Variants in LIMD1 observed in about 807,000 individuals in gnomAD.
LIMD1 encodes the protein LIM domain-containing protein 1.
Under a neutral mutation model 58.4 loss-of-function variants are expected in LIMD1, and 23 were observed. The ratio of observed to expected loss-of-function variants is 0.39; its 90% CI spans 0.28 to 0.56. The LOEUF (loss-of-function observed/expected upper bound fraction) is 0.56. Among genes scored for constraint, LIMD1 ranks in the 20% least tolerant of loss-of-function variants. The probability of loss-of-function intolerance (pLI) is 0.57; values close to 1 mark genes in which losing one functional copy is unlikely to be tolerated. For synonymous variants in LIMD1, 334 were observed against 345.5 expected, an observed-to-expected ratio of 0.97 and a Z score of 0.37; for missense variants, 838 against 855.5, an observed-to-expected ratio of 0.98 and a Z score of 0.25.
chr3:45,660,940 G>A (rs916378291), intron 2 of LIMD1, among the ~76,000 whole-genome samples: 2 of 152,200 alleles, frequency 1.3e-5, no homozygotes, highest in African/African-American at 4.8e-5. Flanking sequence ...GGGTTCTGAT[G>A]ATGATCCCTG....
At chr3:45,624,348 G>A (rs1018572719) in intron 1 of LIMD1, among the ~76,000 whole-genome samples, 5 of 152,110 alleles carry the variant, frequency 3.3e-5, no homozygotes, top group African/African-American at 1.2e-4. Context: ...ATAAAGTCGA[G>A]ATGTGAGACG....
At chr3:45,676,777 G>A (rs995986108) in intron 7 of LIMD1, 145 bp from the exon 8 acceptor site, 3 of 780,866 alleles carry the variant, frequency 3.8e-6, no homozygotes, top group Non-Finnish European at 6.6e-6. Context: ...GCCTCCACGG[G>A]GCAGGAGCTG....
At chr3:45,666,003 G>C (rs1342777271) in intron 3 of LIMD1, among the ~76,000 whole-genome samples, 1 of 152,108 alleles carries the variant, frequency 6.6e-6, no homozygotes, top group East Asian at 1.9e-4. Flanking sequence ...CACTGGACTG[G>C]GACCTGGGCT....
At chr3:45,640,110 A>T (rs1701827080) in intron 2 of LIMD1, among the ~76,000 whole-genome samples, 1 of 152,262 alleles carries the variant, frequency 6.6e-6, no homozygotes, top group Admixed American at 6.5e-5. Context: ...TGTGACAAGC[A>T]CAGACACTTA....
At chr3:45,629,494 G>A (rs1242632490) in intron 1 of LIMD1, among the ~76,000 whole-genome samples, 1 of 151,986 alleles carries the variant, frequency 6.6e-6, no homozygotes, top group African/African-American at 2.4e-5. Flanking sequence ...CTGGGTAGAG[G>A]AGGGCATGGT....
chr3:45,613,296 T>C (rs770003637), intron 1 of LIMD1, among the ~76,000 whole-genome samples: 6 of 152,230 alleles, frequency 3.9e-5, no homozygotes, highest in Non-Finnish European at 7.3e-5. Context: ...CATCAGTTGA[T>C]GAAAGTGTTG....
chr3:45,605,686 G>A (rs1455397118), intron 1 of LIMD1, among the ~76,000 whole-genome samples: 1 of 152,242 alleles, frequency 6.6e-6, no homozygotes, highest in Admixed American at 6.5e-5. Flanking sequence ...CACATGGCAA[G>A]CCACTGGTAT....
intron 2 of LIMD1, among the ~76,000 whole-genome samples, chr3:45,662,305 G>A (rs2578665): frequency 0.27 from 40,795 of 151,820 alleles, 6,834 homozygotes; most frequent in Middle Eastern, 0.41. Flanking sequence ...GTGTGTGCGC[G>A]TGTAAAACCT....
In LIMD1 at chr3:45,673,448, C is replaced by T; in HGVS notation, c.1773-6C>T. 6.2e-7 allele frequency: 1 copy of T among 1,613,572 alleles called. No homozygotes were observed. Among genetic ancestry groups the T allele is most frequent in the Non-Finnish European group, 8.5e-7 (1 of 1,179,564 alleles). Reference sequence around the variant, plus strand: ...ACATTTATTGCTGCTTTGTTTCTCCCCACAGGGTGCTGGCCCCCAAGTGTG... The same window carrying T: ...ACATTTATTGCTGCTTTGTTTCTCCTCACAGGGTGCTGGCCCCCAAGTGTG... On this transcript the variant is annotated splice_polypyrimidine_tract_variant and splice_region_variant and intron_variant, in intron 5 of 7. Transcript: ENST00000273317.
At chr3:45,620,727 T>C (rs1701621263) in intron 1 of LIMD1, among the ~76,000 whole-genome samples, 1 of 152,154 alleles carries the variant, frequency 6.6e-6, no homozygotes, top group African/African-American at 2.4e-5. Flanking sequence ...AGACTCTGTC[T>C]CAAAAAACAA....
rs1226942974 is a variant in LIMD1, at chr3:45,595,400, T to C, written c.521T>C (p.Leu174Pro). The C allele has an allele frequency of 2.5e-6, 4 of 1,613,978 alleles. No homozygotes were observed. Among genetic ancestry groups the C allele is most frequent in the Non-Finnish European group, 3.4e-6 (4 of 1,180,030 alleles). The change falls in exon 1 of 8, where the codon CTC becomes CCC. Residue 174 changes from leucine (L) to proline (P), a missense_variant. Transcript: ENST00000273317. ...QPGPCEDPSC[L>P]THGDYYDNLS... ...GGCCCCTGTGAGGATCCTTCCTGCCTCACTCATGGAGACTATTATGACAAC... is the reference window on the plus strand; with the variant it reads ...GGCCCCTGTGAGGATCCTTCCTGCCCCACTCATGGAGACTATTATGACAAC...
At chr3:45,607,536 T>G (rs1174713933) in intron 1 of LIMD1, among the ~76,000 whole-genome samples, 1 of 152,050 alleles carries the variant, frequency 6.6e-6, no homozygotes, top group African/African-American at 2.4e-5. Flanking sequence ...CCCACAAACA[T>G]GTTTTGTAGC....
chr3:45,659,186 T>C (rs1372402742), intron 2 of LIMD1, among the ~76,000 whole-genome samples: 1 of 152,254 alleles, frequency 6.6e-6, no homozygotes, highest in East Asian at 1.9e-4. Context: ...TTCACTGTTA[T>C]ACTTCTACCA....
intron 1 of LIMD1, among the ~76,000 whole-genome samples, chr3:45,630,275 C>G (rs1280091068): frequency 2.0e-5 from 3 of 152,332 alleles, no homozygotes; most frequent in Admixed American, 2.0e-4. Context: ...CTCCTCAGCC[C>G]AGACCACTTA....
chr3:45,630,852 A>G (rs1479812435), intron 1 of LIMD1, among the ~76,000 whole-genome samples: 2 of 152,186 alleles, frequency 1.3e-5, no homozygotes, highest in South Asian at 2.1e-4. Flanking sequence ...AAGTGACAGG[A>G]CCTTTCTGGA....
chr3:45,615,838 C>T (rs374893507), intron 1 of LIMD1, among the ~76,000 whole-genome samples: 273 of 152,030 alleles, frequency 1.8e-3, no homozygotes, highest in African/African-American at 6.4e-3. Flanking sequence ...TCTGTCATTC[C>T]GCACTGTATG....
intron 1 of LIMD1, among the ~76,000 whole-genome samples, chr3:45,599,838 G>A (rs1242256063): frequency 1.3e-5 from 2 of 152,224 alleles, no homozygotes; most frequent in Admixed American, 1.3e-4. Context: ...TGCCAGCTAT[G>A]TAGGAGAGGG....
At chr3:45,657,196 C>A (rs1365097132) in intron 2 of LIMD1, among the ~76,000 whole-genome samples, 1 of 152,128 alleles carries the variant, frequency 6.6e-6, no homozygotes, top group Non-Finnish European at 1.5e-5. Flanking sequence ...CTCTCAGCAA[C>A]CCCCTTTCTC....
chr3:45,670,849 C>A (rs572805718), intron 4 of LIMD1, among the ~76,000 whole-genome samples: 2 of 152,240 alleles, frequency 1.3e-5, no homozygotes, highest in African/African-American at 4.8e-5. Flanking sequence ...TAGACAGAAC[C>A]CCAGCTGTCT....
Sources: allele counts gnomAD v4.1 joint callset (sites outside exome capture counted in the v4.1 genomes callset), GRCh38; gene constraint gnomAD v4.1.1; transcripts MANE v1.5; gene names NCBI Gene and HGNC (gene_info 2026-07-23, HGNC 2026-07-21).